The following COL21A1 variants were observed in gnomAD, a reference collection of about 807,000 sequenced individuals.
The protein encoded by COL21A1 is collagen alpha-1(XXI) chain.
In COL21A1, 149 loss-of-function variants were observed where a neutral mutation model predicts 137.9. That is an observed-to-expected ratio of 1.08 (90% CI 0.95 to 1.24). The LOEUF (loss-of-function observed/expected upper bound fraction) is 1.24, where lower values mean the gene tolerates loss of function less well. Among genes scored for constraint, COL21A1 ranks in the 50% most tolerant of loss-of-function variants. COL21A1 has a pLI of 0.00. For missense variants in COL21A1, 1,167 were observed against 1,158.4 expected, an observed-to-expected ratio of 1.01 and a Z score of -0.11; for synonymous variants, 456 against 391.5, an observed-to-expected ratio of 1.16 and a Z score of -1.95.
At chr6:56,059,330 A>G in intron 28 of COL21A1, 88 bp from the exon 29 acceptor site, 1 of 797,638 alleles carries the variant, frequency 1.3e-6, no homozygotes, top group Non-Finnish European at 1.9e-6. Context: ...TACACATGAA[A>G]GAAAAATGTC....
chr6:56,170,034 C>T (rs1263978880), intron 5 of COL21A1, among the ~76,000 whole-genome samples: 4 of 151,720 alleles, frequency 2.6e-5, no homozygotes, highest in African/African-American at 4.8e-5. Flanking sequence ...AACTTAATTA[C>T]TTTTATTATT....
chr6:56,098,638 AATATATATAAATATATAAAT>A (rs1770061463), intron 17 of COL21A1, among the ~76,000 whole-genome samples: 2 of 15,174 alleles, frequency 1.3e-4, no homozygotes, highest in South Asian at 1.7e-3. Flanking sequence ...TATATATATA[AATATATATAAATATATAAAT>A]ATATATAAAT....
At chr6:56,081,730 T>A (rs1287106686) in intron 17 of COL21A1, among the ~76,000 whole-genome samples, 1 of 151,894 alleles carries the variant, frequency 6.6e-6, no homozygotes, top group Non-Finnish European at 1.5e-5. Flanking sequence ...TCCCATATTA[T>A]GCTGTAATTA....
chr6:56,060,107 C>T lies in COL21A1; in HGVS notation c.2519G>A (p.Gly840Asp), dbSNP rs1261919531. The change falls in exon 28 of 30, where the codon GGT (glycine) becomes GAT (aspartate). Residue 840 changes from glycine (G) to aspartate (D), a missense_variant. Gly to Asp is a moderately conservative substitution (Grantham distance 94). Coordinates refer to ENST00000244728, the MANE Select transcript of COL21A1 (RefSeq NM_030820.4). Reference sequence around the variant, plus strand: ...TGGCAAACCAGGTAATCCTCTGGGACCCTCTGGGCCTATCGGACCAGGTGG... The same window carrying T: ...TGGCAAACCAGGTAATCCTCTGGGATCCTCTGGGCCTATCGGACCAGGTGG... Reference protein sequence around the residue: ...PGPPGPIGPEGPRGLPGLPGR... With the variant: ...PGPPGPIGPEDPRGLPGLPGR... 17 of 1,608,376 alleles carry T rather than the reference C, an allele frequency of 1.1e-5. No individual in the cohort carries two copies. Among genetic ancestry groups the T allele is most frequent in the Non-Finnish European group, 1.1e-5 (13 of 1,178,398 alleles).
At chr6:56,337,262 T>C (rs114335223) in intron 1 of COL21A1, among the ~76,000 whole-genome samples, 54 of 152,246 alleles carry the variant, frequency 3.5e-4, no homozygotes, top group African/African-American at 1.2e-3. Context: ...ATAATGAAAA[T>C]TGCTGTATCA....
At chr6:56,300,741 C>T (rs1764259687) in intron 1 of COL21A1, among the ~76,000 whole-genome samples, 1 of 152,150 alleles carries the variant, frequency 6.6e-6, no homozygotes, top group South Asian at 2.1e-4. Context: ...GAAGAGGGTA[C>T]AATTATTCAG....
intron 1 of COL21A1, among the ~76,000 whole-genome samples, chr6:56,266,976 C>T (rs1156476481): frequency 6.6e-6 from 1 of 152,088 alleles, no homozygotes; most frequent in Admixed American, 6.5e-5. Context: ...TTTTTAAATC[C>T]TGTTAACTTA....
intron 10 of COL21A1, among the ~76,000 whole-genome samples, chr6:56,150,047 T>C (rs940991831): frequency 4.6e-5 from 7 of 152,188 alleles, no homozygotes; most frequent in Admixed American, 2.6e-4. Context: ...CCAAATTGAT[T>C]TCCTATTAAC....
At chr6:56,119,170 T>C (rs1222221765) in intron 16 of COL21A1, among the ~76,000 whole-genome samples, 1 of 152,084 alleles carries the variant, frequency 6.6e-6, no homozygotes, top group Non-Finnish European at 1.5e-5. Context: ...TAATCTTTTA[T>C]TTAGAAAAAC....
At chr6:56,088,593 G>T (rs1049023400) in intron 17 of COL21A1, among the ~76,000 whole-genome samples, 13 of 151,850 alleles carry the variant, frequency 8.6e-5, no homozygotes, top group African/African-American at 3.1e-4. Flanking sequence ...CAAAATGGTG[G>T]GCAATTGCAG....
rs181443791 is a variant in COL21A1, at chr6:56,179,686, C to A, written c.532G>T (p.Glu178Ter). 1.0e-4 allele frequency: 165 copies of A among 1,613,828 alleles called. No individual in the cohort carries two copies. In the African/African-American group the frequency reaches 1.9e-3, roughly 19 times the overall value. Residue 178 changes from glutamate (E) to a stop codon, truncating the protein, a stop_gained, in exon 3 of 30, where the codon GAA (glutamate) becomes TAA (stop). Transcript: ENST00000244728. LOFTEE classifies it high-confidence loss of function. ...IGVGSETEDA[E>*]LRAIANKPSS... The stretch of plus-strand genomic sequence containing the variant: ...GGCTTGTTGGCAATAGCTCTAAGTT[C>A]GGCATCTTCTGTTTCTGAACCAACA...
chr6:56,371,110 A>G (rs2093987859), intron 1 of COL21A1, among the ~76,000 whole-genome samples: 1 of 152,212 alleles, frequency 6.6e-6, no homozygotes, highest in Non-Finnish European at 1.5e-5. Context: ...CTCCAGGTTC[A>G]AAGGGAAATT....
intron 13 of COL21A1, 34 bp downstream of exon 13, chr6:56,126,062 T>C: frequency 1.4e-6 from 2 of 1,391,478 alleles, no homozygotes; most frequent in Non-Finnish European, 2.0e-6. Flanking sequence ...AAAAAATGGC[T>C]TTGCTATATT....
chr6:56,223,775 C>T (rs925265528), intron 1 of COL21A1, among the ~76,000 whole-genome samples: 1 of 152,042 alleles, frequency 6.6e-6, no homozygotes, highest in African/African-American at 2.4e-5. Flanking sequence ...ACAAAATGTG[C>T]CATGATTCAT....
rs78820557 is a variant in COL21A1 at position 56,129,675 on chromosome 6, CGT to C, written c.1543-3528_1543-3527del. Among the ~76,000 whole-genome samples, 117 of 136,458 alleles carry C rather than the reference CGT, an allele frequency of 8.6e-4. 1 individual carries two copies. The highest frequency in any genetic ancestry group is 2.1e-3 in the South Asian group (8 of 3,888). 89.5% of individuals were successfully genotyped at this position (136,458 alleles called of 152,430 possible). On this transcript the variant is annotated intron_variant, in intron 12 of 29. Coordinates refer to ENST00000244728, the MANE Select transcript of COL21A1 (RefSeq NM_030820.4). ...TGTTGCTTCCTCTGTCACGTGCGTG[CGT>C]GTGTGTGTGTGTGTGTGTGTGTGAG... is the stretch of plus-strand genomic sequence containing the variant.
chr6:56,368,704 G>T, intron 1 of COL21A1, among the ~76,000 whole-genome samples: 1 of 152,030 alleles, frequency 6.6e-6, no homozygotes, highest in East Asian at 1.9e-4. Context: ...ATATTTCTTG[G>T]GAACGAAGCT....
chr6:56,319,397 G>A (rs1323557251), intron 1 of COL21A1, among the ~76,000 whole-genome samples: 2 of 152,146 alleles, frequency 1.3e-5, no homozygotes, highest in Admixed American at 6.6e-5. Context: ...GAGTGCAGTG[G>A]TGTACTCTCT....
chr6:56,340,017 G>A (rs1043311831), intron 1 of COL21A1, among the ~76,000 whole-genome samples: 13 of 151,624 alleles, frequency 8.6e-5, no homozygotes, highest in Non-Finnish European at 4.4e-5. Context: ...CAGGATTGGA[G>A]AGGCTCAATA....
chr6:56,108,566 A>T (rs1235163721), intron 16 of COL21A1, among the ~76,000 whole-genome samples: 1 of 151,988 alleles, frequency 6.6e-6, no homozygotes, highest in Non-Finnish European at 1.5e-5. Flanking sequence ...GGAGTTAAAA[A>T]TATCTATACA....
Sources: allele counts gnomAD v4.1 joint callset (sites outside exome capture counted in the v4.1 genomes callset), GRCh38; gene constraint gnomAD v4.1.1; transcripts MANE v1.5; gene names NCBI Gene and HGNC (gene_info 2026-07-23, HGNC 2026-07-21).